The following CAMK2D variants were observed in gnomAD, a reference collection of about 807,000 sequenced individuals.
CAMK2D encodes calcium/calmodulin dependent protein kinase II delta.
Under a neutral mutation model 84.0 loss-of-function variants are expected in CAMK2D, and 37 were observed. The ratio of observed to expected loss-of-function variants is 0.44; its 90% CI spans 0.34 to 0.58. The LOEUF is 0.58. Ranked by LOEUF, CAMK2D falls within the 20% of genes least tolerant of loss-of-function variation. The pLI is 0.02. For synonymous variants in CAMK2D, 202 were observed against 212.5 expected (o/e 0.95, Z 0.43); for missense variants, 448 against 652.5 (o/e 0.69, Z 3.41).
chr4:113,537,983 C>T (rs1218405736), intron 6 of CAMK2D, among the ~76,000 whole-genome samples: 1 of 152,080 alleles, frequency 6.6e-6, no homozygotes, highest in Non-Finnish European at 1.5e-5. Flanking sequence ...TGGAGACTTA[C>T]TCTGAATTAT....
intron 2 of CAMK2D, among the ~76,000 whole-genome samples, chr4:113,662,205 G>A (rs547936679): frequency 6.6e-5 from 10 of 152,250 alleles, no homozygotes; most frequent in African/African-American, 2.4e-4. Flanking sequence ...AATGGAGAAT[G>A]TTCTCTGTTC....
At chr4:113,620,907 T>C (rs2099043187) in intron 3 of CAMK2D, among the ~76,000 whole-genome samples, 1 of 152,172 alleles carries the variant, frequency 6.6e-6, no homozygotes, top group Non-Finnish European at 1.5e-5. Context: ...TTCTAAATCT[T>C]ATTAAAGTGT....
intron 4 of CAMK2D, among the ~76,000 whole-genome samples, chr4:113,552,587 C>T (rs944172887): frequency 1.3e-5 from 2 of 152,098 alleles, no homozygotes; most frequent in Non-Finnish European, 2.9e-5. Flanking sequence ...GGATCACGTG[C>T]TATATGTAAA....
At chr4:113,676,799 TCCACA>T (rs1310501613) in intron 2 of CAMK2D, among the ~76,000 whole-genome samples, 2 of 152,216 alleles carry the variant, frequency 1.3e-5, no homozygotes, top group African/African-American at 4.8e-5. Flanking sequence ...CTTAAGCCTC[TCCACA>T]TAATTTAGTT....
chr4:113,636,265 T>C (rs2099109463), intron 3 of CAMK2D, among the ~76,000 whole-genome samples: 1 of 152,180 alleles, frequency 6.6e-6, no homozygotes, highest in Non-Finnish European at 1.5e-5. Context: ...AATCCACCAG[T>C]ACATTCAGCT....
chr4:113,537,592 A>C, intron 6 of CAMK2D, 149 bp from the exon 7 acceptor site: 1 of 613,740 alleles, frequency 1.6e-6, no homozygotes, highest in East Asian at 2.8e-5. Context: ...CCCAGGGAAA[A>C]TACAGTTAGA....
intron 2 of CAMK2D, among the ~76,000 whole-genome samples, chr4:113,677,105 G>A (rs140994878): frequency 1.4e-3 from 209 of 152,226 alleles, no homozygotes; most frequent in African/African-American, 4.8e-3. Flanking sequence ...AATACTAATC[G>A]CTCCTCTGTC....
intron 8 of CAMK2D, among the ~76,000 whole-genome samples, chr4:113,528,557 G>T (rs999873995): frequency 6.6e-6 from 1 of 152,114 alleles, no homozygotes. Flanking sequence ...CAAAGAAAGA[G>T]TATGAAATGT....
intron 3 of CAMK2D, among the ~76,000 whole-genome samples, chr4:113,661,286 A>ATT (rs145778458): frequency 0.17 from 25,439 of 152,038 alleles, 3,355 homozygotes; most frequent in African/African-American, 0.35. Flanking sequence ...TATTGTTTTC[A>ATT]TTATACGACT....
At chr4:113,716,235 T>C (rs2148535297) in intron 2 of CAMK2D, among the ~76,000 whole-genome samples, 1 of 152,124 alleles carries the variant, frequency 6.6e-6, no homozygotes, top group East Asian at 1.9e-4. Flanking sequence ...TTGGCTGTCA[T>C]GACAGTATTG....
intron 2 of CAMK2D, among the ~76,000 whole-genome samples, chr4:113,703,780 T>C (rs1311341054): frequency 6.6e-6 from 1 of 152,200 alleles, no homozygotes; most frequent in Non-Finnish European, 1.5e-5. Context: ...GCAACAGGAA[T>C]AACACTACAA....
At chr4:113,561,625 T>G (rs181872951) in intron 4 of CAMK2D, among the ~76,000 whole-genome samples, 2 of 152,342 alleles carry the variant, frequency 1.3e-5, no homozygotes, top group East Asian at 3.9e-4. Context: ...AATAAAGGCT[T>G]AAGTCAATCT....
At chr4:113,694,544 A>G (rs1362345142) in intron 2 of CAMK2D, among the ~76,000 whole-genome samples, 1 of 152,140 alleles carries the variant, frequency 6.6e-6, no homozygotes, top group Admixed American at 6.6e-5. Flanking sequence ...AACTTTAGTG[A>G]GAAGTGGGAG....
Position 113,742,558 on chromosome 4 carries a change from A to G in CAMK2D, c.160+16762T>C, listed in dbSNP as rs576908211. Among the ~76,000 whole-genome samples the G allele has an allele frequency of 4.6e-5, 7 of 151,982 alleles. No homozygotes were observed. The East Asian group carries it at 9.8e-4, about 21-fold the overall frequency. The stretch of plus-strand genomic sequence containing the variant: ...TCTAATCACACCTACCTCAATAACA[A>G]TTCTTGAGTTCATTTTTTTTTTTTC... On this transcript the variant is annotated intron_variant, in intron 2 of 20. Transcript: ENST00000511664.
rs992948647 is a variant in CAMK2D at position 113,471,031 on chromosome 4, A to G, written c.1136-5427T>C. The stretch of plus-strand genomic sequence containing the variant: ...TGACAAATGGAAATAATTTAAGTAT[A>G]AAGTAGTATGTCTTATCGTTTATTG... On this transcript the variant is annotated intron_variant, in intron 16 of 20. Transcript: ENST00000511664. Among the ~76,000 whole-genome samples, 20 of 152,246 alleles carry G rather than the reference A, an allele frequency of 1.3e-4. 1 individual carries two copies. The highest frequency in any genetic ancestry group is 5.9e-5 in the Non-Finnish European group (4 of 68,044).
intron 1 of CAMK2D, 102 bp downstream of exon 1, chr4:113,760,902 C>A (rs1035363620): frequency 2.0e-6 from 3 of 1,484,238 alleles, no homozygotes; most frequent in Non-Finnish European, 2.8e-6. Flanking sequence ...CCATTCCTCT[C>A]CCAAACTCCC....
chr4:113,662,489 TAGAG>T (rs1055167027), intron 2 of CAMK2D, among the ~76,000 whole-genome samples: 2 of 152,106 alleles, frequency 1.3e-5, no homozygotes, highest in African/African-American at 4.8e-5. Context: ...AAATAAATCA[TAGAG>T]AGAAGACAAA....
At chr4:113,562,536 C>T (rs2098703073) in intron 4 of CAMK2D, among the ~76,000 whole-genome samples, 1 of 152,126 alleles carries the variant, frequency 6.6e-6, no homozygotes, top group African/African-American at 2.4e-5. Flanking sequence ...TATAAAATTT[C>T]CCCATGTGAT....
intron 5 of CAMK2D, among the ~76,000 whole-genome samples, chr4:113,551,580 T>C (rs531336478): frequency 3.7e-4 from 56 of 152,194 alleles, no homozygotes; most frequent in Non-Finnish European, 7.1e-4. Flanking sequence ...TAGACACTTG[T>C]GGCTACTAGG....
Sources: allele counts gnomAD v4.1 joint callset (sites outside exome capture counted in the v4.1 genomes callset), GRCh38; gene constraint gnomAD v4.1.1; transcripts MANE v1.5; gene names NCBI Gene and HGNC (gene_info 2026-07-23, HGNC 2026-07-21).